Variants in PDE8A observed in about 807,000 individuals in gnomAD.
The protein encoded by PDE8A is phosphodiesterase 8A, also known as high affinity cAMP-specific and IBMX-insensitive 3',5'-cyclic phosphodiesterase 8A.
A neutral mutation model predicts 105.0 loss-of-function variants in PDE8A; 59 were observed. The ratio of observed to expected loss-of-function variants is 0.56; its 90% CI spans 0.46 to 0.70. The LOEUF (loss-of-function observed/expected upper bound fraction) is 0.70, where lower values mean the gene tolerates loss of function less well. PDE8A is among the 30% of genes least tolerant of loss of function. The pLI is 0.00. For synonymous variants in PDE8A, 355 were observed against 371.9 expected (o/e 0.95, Z 0.52); for missense variants, 1,014 against 1,045.9 (o/e 0.97, Z 0.42).
chr15:84,985,411 TTTTG>T (rs1486702256), intron 1 of PDE8A, among the ~76,000 whole-genome samples: 1 of 152,124 alleles, frequency 6.6e-6, no homozygotes, highest in African/African-American at 2.4e-5. Context: ...ACACTTAGAG[TTTTG>T]TTTATTTTTA....
At chr15:85,005,716 C>G (rs1256174903) in intron 1 of PDE8A, among the ~76,000 whole-genome samples, 1 of 151,998 alleles carries the variant, frequency 6.6e-6, no homozygotes, top group Non-Finnish European at 1.5e-5. Flanking sequence ...CAATCTGATT[C>G]ATTCCTCTCA....
chr15:85,137,136 A>G (rs2082423631), intron 21 of PDE8A, among the ~76,000 whole-genome samples: 1 of 152,114 alleles, frequency 6.6e-6, no homozygotes, highest in Non-Finnish European at 1.5e-5. Flanking sequence ...TTCCACGTGC[A>G]TCTTCGTCCT....
chr15:85,102,744 C>T (rs1158839270), intron 11 of PDE8A, among the ~76,000 whole-genome samples: 1 of 150,400 alleles, frequency 6.6e-6, no homozygotes, highest in Non-Finnish European at 1.5e-5. Context: ...GAGGCTGAGG[C>T]AGGAGAATCA....
intron 17 of PDE8A, among the ~76,000 whole-genome samples, chr15:85,120,026 T>A (rs1047422332): frequency 4.0e-5 from 6 of 150,966 alleles, no homozygotes; most frequent in African/African-American, 1.5e-4. Context: ...GACACAAAAA[T>A]ATACAAATTT....
At chr15:85,094,925 C>T (rs1385638462) in intron 8 of PDE8A, among the ~76,000 whole-genome samples, 2 of 152,190 alleles carry the variant, frequency 1.3e-5, no homozygotes, top group African/African-American at 4.8e-5. Context: ...TCATAGTCCT[C>T]AGCTTGGCTG....
At chr15:84,993,853 A>G (rs1430866121) in intron 1 of PDE8A, among the ~76,000 whole-genome samples, 1 of 152,180 alleles carries the variant, frequency 6.6e-6, no homozygotes, top group African/African-American at 2.4e-5. Flanking sequence ...GTGCCACTGC[A>G]CTCCAACCTG....
At chr15:85,074,225 G>A (rs115898230) in intron 3 of PDE8A, among the ~76,000 whole-genome samples, 4,259 of 152,288 alleles carry the variant, frequency 0.028, 168 homozygotes, top group African/African-American at 0.087. Context: ...AATGAAGCCC[G>A]AATCCCTACA....
intron 6 of PDE8A, among the ~76,000 whole-genome samples, chr15:85,085,068 C>T (rs866298071): frequency 3.3e-5 from 5 of 152,290 alleles, no homozygotes; most frequent in Non-Finnish European, 2.9e-5. Flanking sequence ...TAACACAATT[C>T]CATTTGTGTT....
intron 11 of PDE8A, among the ~76,000 whole-genome samples, chr15:85,108,112 GGTGA>G (rs1311618808): frequency 6.6e-6 from 1 of 152,180 alleles, no homozygotes; most frequent in Non-Finnish European, 1.5e-5. Context: ...GGAGGTCGTT[GGTGA>G]CCTTGACACA....
chr15:85,003,070 C>T (rs544041107), intron 1 of PDE8A, among the ~76,000 whole-genome samples: 2 of 151,678 alleles, frequency 1.3e-5, no homozygotes, highest in Admixed American at 1.3e-4. Flanking sequence ...TTATATTGGT[C>T]AGGTTTCTTT....
At chr15:85,117,947 G>A (rs2082122845) in intron 17 of PDE8A, 108 bp downstream of exon 17, 4 of 886,738 alleles carry the variant, frequency 4.5e-6, no homozygotes, top group African/African-American at 1.6e-5. Flanking sequence ...TGTGCAGCCT[G>A]GCACAGGAAG....
chr15:85,087,223 G>A (rs749760365), intron 6 of PDE8A, among the ~76,000 whole-genome samples: 16 of 151,828 alleles, frequency 1.1e-4, no homozygotes, highest in South Asian at 6.2e-4. Flanking sequence ...CTTATTTAGA[G>A]ACAGGGTCTC....
chr15:85,016,872 G>T (rs2080332829), intron 1 of PDE8A, among the ~76,000 whole-genome samples: 1 of 150,874 alleles, frequency 6.6e-6, no homozygotes, highest in Non-Finnish European at 1.5e-5. Flanking sequence ...TCCTTATTGA[G>T]TTTATGCCAG....
chr15:85,101,443 G>A (rs1386344174), intron 11 of PDE8A, among the ~76,000 whole-genome samples: 2 of 152,214 alleles, frequency 1.3e-5, no homozygotes, highest in African/African-American at 4.8e-5. Flanking sequence ...TACAGGGCAT[G>A]TTCCAGAAAA....
intron 1 of PDE8A, chr15:85,062,483 C>T (rs1200193961): frequency 2.0e-5 from 3 of 152,200 alleles, no homozygotes; most frequent in Non-Finnish European, 4.4e-5. Context: ...GGGCACTAGC[C>T]CTTTAAATCT....
At chr15:85,022,446 A>G (rs756022013) in intron 1 of PDE8A, among the ~76,000 whole-genome samples, 1 of 128,914 alleles carries the variant, frequency 7.8e-6, no homozygotes, top group Non-Finnish European at 1.6e-5. Context: ...TTTTTTTTGT[A>G]ATGTCTGACA....
At chr15:85,122,015 A>G (rs184362022) in intron 18 of PDE8A, among the ~76,000 whole-genome samples, 1 of 152,090 alleles carries the variant, frequency 6.6e-6, no homozygotes, top group Middle Eastern at 3.2e-3. Flanking sequence ...GCAGTCATCT[A>G]TCTCTCTCCC....
chr15:85,055,498 AT>A (rs2081045961), intron 1 of PDE8A, among the ~76,000 whole-genome samples: 1 of 152,140 alleles, frequency 6.6e-6, no homozygotes, highest in Non-Finnish European at 1.5e-5. Context: ...GTGCTCCTGT[AT>A]TGGGTGCATA....
At chr15:85,099,856 C>T (rs945123858) in intron 9 of PDE8A, 159 bp from the exon 10 acceptor site, 4 of 645,066 alleles carry the variant, frequency 6.2e-6, no homozygotes, top group South Asian at 3.9e-5. Flanking sequence ...GTGATCTCTT[C>T]TTTATTTATT....
Sources: allele counts gnomAD v4.1 joint callset (sites outside exome capture counted in the v4.1 genomes callset), GRCh38; gene constraint gnomAD v4.1.1; transcripts MANE v1.5; gene names NCBI Gene and HGNC (gene_info 2026-07-23, HGNC 2026-07-21).